Variants in EGFR observed in about 807,000 individuals in gnomAD.
The protein encoded by EGFR is epidermal growth factor receptor.
A neutral mutation model predicts 143.0 loss-of-function variants in EGFR; 58 were observed. That is an observed-to-expected ratio of 0.41 (90% CI 0.33 to 0.50). The LOEUF is 0.50. EGFR is among the 20% of genes least tolerant of loss of function. The pLI is 0.39. For missense variants in EGFR, 1,307 were observed against 1,579.0 expected (o/e 0.83, Z 2.92); for synonymous variants, 613 against 594.4 (o/e 1.03, Z -0.45).
rs1326148776 is a variant in EGFR, at chr7:55,209,941, T to TA, written c.*4329dup. 4.6e-5 allele frequency: 7 copies of TA among 152,218 alleles called. No individual in the cohort carries two copies. Among genetic ancestry groups the TA allele is most frequent in the African/African-American group, 1.7e-4 (7 of 41,458 alleles). 9.4% of individuals were successfully genotyped at this position (152,218 alleles called of 1,614,324 possible). A position where few individuals can be genotyped will look rare whatever the true frequency, so the allele number is the denominator to read the frequency against. The stretch of plus-strand genomic sequence containing the variant: ...AGAGGAAAGCCCTTTCTCTCTCTTA[T>TA]AAAAAGGCACAACCTCATTGGGGAG... On this transcript the variant is annotated 3_prime_UTR_variant, in exon 28 of 28. Transcript: ENST00000275493.
chr7:55,109,813 A>G (rs1333288092), intron 1 of EGFR: 1 of 985,320 alleles, frequency 1.0e-6, no homozygotes, highest in East Asian at 1.1e-4. Context: ...TATAAAGCCC[A>G]TCTCCTTTTG....
intron 1 of EGFR, among the ~76,000 whole-genome samples, chr7:55,083,965 G>A (rs947488532): frequency 6.6e-6 from 1 of 152,208 alleles, no homozygotes; most frequent in Non-Finnish European, 1.5e-5. Context: ...AGACCCAAAT[G>A]AATGGAACAA....
chr7:55,108,146 C>T (rs1792248217), intron 1 of EGFR, among the ~76,000 whole-genome samples: 1 of 152,226 alleles, frequency 6.6e-6, no homozygotes, highest in South Asian at 2.1e-4. Flanking sequence ...AAATCTCTGA[C>T]CCTGAGTTAG....
At chr7:55,197,483 G>A (rs1046199599) in intron 22 of EGFR, among the ~76,000 whole-genome samples, 6 of 152,052 alleles carry the variant, frequency 3.9e-5, no homozygotes, top group African/African-American at 1.4e-4. Context: ...CTCTCTTCCT[G>A]TTTGGATGTC....
intron 25 of EGFR, 130 bp from the exon 26 acceptor site, chr7:55,201,605 A>G (rs1172162111): frequency 4.6e-5 from 60 of 1,301,058 alleles, no homozygotes; most frequent in Non-Finnish European, 6.3e-5. Context: ...TTGCTCTAAA[A>G]CTAACGATTA....
At chr7:55,079,055 C>G (rs1006646423) in intron 1 of EGFR, among the ~76,000 whole-genome samples, 3 of 152,348 alleles carry the variant, frequency 2.0e-5, no homozygotes, top group Middle Eastern at 3.4e-3. Flanking sequence ...TCCCGTGGGC[C>G]GGGCAGGCAG....
chr7:55,190,627 G>A (rs1787350532), intron 20 of EGFR, among the ~76,000 whole-genome samples: 1 of 152,184 alleles, frequency 6.6e-6, no homozygotes, highest in South Asian at 2.1e-4. Context: ...AGTGGAGCAG[G>A]CTAGAGATGC....
rs774773441 is a variant in EGFR, at chr7:55,160,331, C to T, written c.1491C>T (p.Asn497=). ...AAATTATAAGCAACAGAGGTGAAAA[C>T]AGCTGCAGTAAGTCACCGCTTTCTG... ...KTKIISNRGE[N]SCKATGQVCH... Residue 497 remains asparagine, a synonymous_variant, in exon 12 of 28, where the codon AAC becomes AAT. Coordinates refer to ENST00000275493, the MANE Select transcript of EGFR (RefSeq NM_005228.5). The T allele has an allele frequency of 3.1e-6, 5 of 1,612,880 alleles. No homozygotes were observed. The East Asian group carries it at 1.1e-4, about 36-fold the overall frequency.
rs190420661 is a variant in EGFR at position 55,079,650 on chromosome 7, T to C, written c.88+60285T>C. ...CGGTTTATCGTGAAGACAGGGTCCT[T>C]TGCTGCCGTCTTAAGTTTTGGGCCC... On this transcript the variant is annotated intron_variant, in intron 1 of 27. Coordinates refer to ENST00000275493, the MANE Select transcript of EGFR (RefSeq NM_005228.5). Among the ~76,000 whole-genome samples the C allele has an allele frequency of 1.6e-4, 24 of 152,248 alleles. No homozygotes were observed. In the East Asian group the frequency reaches 3.7e-3, roughly 23 times the overall value.
At position 55,161,489 on chromosome 7, in the gene EGFR, G is replaced by T. The variant is rs767658282; in HGVS notation, c.1499-10G>T. 1.2e-6 allele frequency: 2 copies of T among 1,613,018 alleles called. No individual in the cohort carries two copies. The highest frequency in any genetic ancestry group is 2.7e-5 in the African/African-American group (2 of 74,948). On this transcript the variant is annotated splice_polypyrimidine_tract_variant and intron_variant, in intron 12 of 27. Coordinates refer to ENST00000275493, the MANE Select transcript of EGFR (RefSeq NM_005228.5). Reference sequence around the variant, plus strand: ...GTCACTGACTGCTGTGACCCACTCTGTCTCCGCAGAGGCCACAGGCCAGGT... The same window carrying T: ...GTCACTGACTGCTGTGACCCACTCTTTCTCCGCAGAGGCCACAGGCCAGGT...
chr7:55,064,621 G>A (rs574829474), intron 1 of EGFR, among the ~76,000 whole-genome samples: 2 of 151,928 alleles, frequency 1.3e-5, no homozygotes, highest in African/African-American at 4.8e-5. Flanking sequence ...ATTTAGATAC[G>A]GTTTAAACCT....
intron 1 of EGFR, among the ~76,000 whole-genome samples, chr7:55,125,630 T>C (rs1461961893): frequency 6.6e-6 from 1 of 151,982 alleles, no homozygotes; most frequent in Admixed American, 6.5e-5. Context: ...GATTCACACA[T>C]ACTAGCTGTA....
At chr7:55,066,899 C>T (rs1428404874) in intron 1 of EGFR, among the ~76,000 whole-genome samples, 2 of 152,192 alleles carry the variant, frequency 1.3e-5, no homozygotes, top group Admixed American at 6.5e-5. Flanking sequence ...TATTCCAAAA[C>T]GTAAAAGTAA....
At chr7:55,054,320 C>T (rs893787318) in intron 1 of EGFR, among the ~76,000 whole-genome samples, 1 of 152,212 alleles carries the variant, frequency 6.6e-6, no homozygotes, top group African/African-American at 2.4e-5. Context: ...CTCCAAGTCA[C>T]TCTCCCTTTG....
At chr7:55,098,932 A>G (rs1791639638) in intron 1 of EGFR, among the ~76,000 whole-genome samples, 1 of 152,218 alleles carries the variant, frequency 6.6e-6, no homozygotes, top group African/African-American at 2.4e-5. Context: ...ATTTCGAAGC[A>G]GTGGGGAGTC....
intron 1 of EGFR, among the ~76,000 whole-genome samples, chr7:55,053,746 G>A (rs920716719): frequency 6.6e-6 from 1 of 152,374 alleles, no homozygotes; most frequent in Non-Finnish European, 1.5e-5. Flanking sequence ...CAACCCAGCC[G>A]CTGCTTTGTC....
At chr7:55,196,193 T>TTTTTTTTTTTTTTTTA (rs1554354441) in intron 22 of EGFR, among the ~76,000 whole-genome samples, 1 of 141,220 alleles carries the variant, frequency 7.1e-6, no homozygotes, top group Non-Finnish European at 1.5e-5. Context: ...TTTTTTTTTT[T>TTTTTTTTTTTTTTTTA]ACTTTTCAAT....
chr7:55,021,252 C>A (rs1048309415), intron 1 of EGFR, among the ~76,000 whole-genome samples: 7 of 152,288 alleles, frequency 4.6e-5, no homozygotes, highest in African/African-American at 1.7e-4. Flanking sequence ...CCTGGGGTGC[C>A]CGGGAGACGC....
intron 18 of EGFR, 34 bp from the exon 19 acceptor site, chr7:55,174,688 G>A (rs1786511833): frequency 6.4e-7 from 1 of 1,556,974 alleles, no homozygotes. Context: ...TCTCACAATT[G>A]CCAGTTAACG....
Sources: allele counts gnomAD v4.1 joint callset (sites outside exome capture counted in the v4.1 genomes callset), GRCh38; gene constraint gnomAD v4.1.1; transcripts MANE v1.5; gene names NCBI Gene and HGNC (gene_info 2026-07-23, HGNC 2026-07-21).